The following RAPGEF6 variants were observed in gnomAD, a reference collection of about 807,000 sequenced individuals.
RAPGEF6 encodes Rap guanine nucleotide exchange factor 6, also known as PDZ domain containing guanine nucleotide exchange factor (GEF) 2.
RAPGEF6 carries 56 observed loss-of-function variants against 171.4 expected under a neutral mutation model. The observed-to-expected ratio is 0.33, with a 90% CI of 0.26 to 0.41. RAPGEF6 has a LOEUF of 0.41. Among genes scored for constraint, RAPGEF6 ranks in the 10% least tolerant of loss-of-function variants. The pLI, the probability that RAPGEF6 is intolerant of heterozygous loss-of-function variation, is 1.00. For synonymous variants in RAPGEF6, 692 were observed against 650.1 expected (o/e 1.06, Z -0.98); for missense variants, 1,674 against 1,921.4 (o/e 0.87, Z 2.41).
chr5:131,580,691 C>T (rs1240630258), intron 4 of RAPGEF6, among the ~76,000 whole-genome samples: 1 of 152,224 alleles, frequency 6.6e-6, no homozygotes, highest in Admixed American at 6.5e-5. Flanking sequence ...CCCATTACAA[C>T]CTCTAATGGC....
intron 16 of RAPGEF6, among the ~76,000 whole-genome samples, chr5:131,473,721 A>G (rs1374012244): frequency 6.6e-6 from 1 of 152,240 alleles, no homozygotes; most frequent in Non-Finnish European, 1.5e-5. Context: ...CATGAAAAAG[A>G]TTAAAGTATA....
chr5:131,622,070 A>G (rs1765625368), intron 1 of RAPGEF6, among the ~76,000 whole-genome samples: 1 of 152,224 alleles, frequency 6.6e-6, no homozygotes, highest in Admixed American at 6.5e-5. Flanking sequence ...AATGTTCATT[A>G]GGCAATCTCC....
At chr5:131,475,468 T>C (rs971509027) in intron 16 of RAPGEF6, among the ~76,000 whole-genome samples, 2 of 152,088 alleles carry the variant, frequency 1.3e-5, no homozygotes, top group African/African-American at 4.8e-5. Flanking sequence ...TCCCAATATT[T>C]AAAAAGCAAA....
intron 6 of RAPGEF6, chr5:131,532,993 C>T (rs1759498286): frequency 6.6e-6 from 1 of 152,536 alleles, no homozygotes; most frequent in Non-Finnish European, 1.5e-5. Flanking sequence ...AGGAGAAGCT[C>T]CTATTGATTC....
chr5:131,443,592 C>T (rs1004073967), intron 22 of RAPGEF6, among the ~76,000 whole-genome samples: 29 of 152,242 alleles, frequency 1.9e-4, no homozygotes, highest in African/African-American at 6.7e-4. Context: ...CCTTAACTTG[C>T]CCCTGCTTTT....
In RAPGEF6 at chr5:131,505,432, C is replaced by T; in HGVS notation, c.1033G>A (p.Gly345Arg). Reference sequence around the variant, plus strand: ...TGCTTATCCAGAGTGGGAGTAATTCCAAAACTATTTCCCATAAACAAATTT... The same window carrying T: ...TGCTTATCCAGAGTGGGAGTAATTCTAAAACTATTTCCCATAAACAAATTT... ...VENLFMGNSF[G>R]ITPTLDKQYM... The change falls in exon 10 of 28, where the codon GGA becomes AGA. Residue 345 changes from glycine (G) to arginine (R), a missense_variant. Transcript: ENST00000509018. 6.2e-7 allele frequency: 1 copy of T among 1,613,434 alleles called. No homozygotes were observed. The highest frequency in any genetic ancestry group is 8.5e-7 in the Non-Finnish European group (1 of 1,179,600).
At chr5:131,547,437 T>A (rs1345468444) in intron 6 of RAPGEF6, among the ~76,000 whole-genome samples, 2 of 152,156 alleles carry the variant, frequency 1.3e-5, no homozygotes, top group African/African-American at 4.8e-5. Context: ...TTACCCTTAT[T>A]TCTTGATTCA....
intron 16 of RAPGEF6, among the ~76,000 whole-genome samples, chr5:131,478,068 A>G (rs1755231475): frequency 6.6e-6 from 1 of 152,118 alleles, no homozygotes; most frequent in Admixed American, 6.6e-5. Context: ...ATTTTAAAGT[A>G]ATGATTTTTA....
At chr5:131,609,167 C>T (rs1031873573) in intron 1 of RAPGEF6, among the ~76,000 whole-genome samples, 8 of 152,112 alleles carry the variant, frequency 5.3e-5, no homozygotes, top group Admixed American at 3.9e-4. Context: ...TCATTGGATG[C>T]AGGTGGCCAA....
intron 4 of RAPGEF6, among the ~76,000 whole-genome samples, chr5:131,574,629 G>A (rs184881134): frequency 1.4e-3 from 217 of 152,084 alleles, no homozygotes; most frequent in African/African-American, 4.9e-3. Context: ...TTATTAGGCC[G>A]AGACATTTTA....
chr5:131,468,129 C>T (rs188013024), intron 17 of RAPGEF6, among the ~76,000 whole-genome samples: 12 of 150,978 alleles, frequency 7.9e-5, no homozygotes, highest in Admixed American at 6.6e-4. Context: ...AGAATGAGAC[C>T]ATCCTGGCTA....
At chr5:131,602,358 G>A (rs1476291450) in intron 3 of RAPGEF6, among the ~76,000 whole-genome samples, 1 of 152,174 alleles carries the variant, frequency 6.6e-6, no homozygotes, top group Non-Finnish European at 1.5e-5. Flanking sequence ...ACAACGTTAT[G>A]TGGCACATGA....
chr5:131,630,827 C>T (rs1373995121), intron 1 of RAPGEF6, among the ~76,000 whole-genome samples: 3 of 152,180 alleles, frequency 2.0e-5, no homozygotes, highest in East Asian at 1.9e-4. Flanking sequence ...ATCAATTACA[C>T]GATGCAAACA....
chr5:131,495,604 G>A lies in RAPGEF6; in HGVS notation c.1476C>T (p.Asp492=). The change falls in exon 13 of 28, where the codon GAC becomes GAT. Residue 492 remains aspartate (D), a synonymous_variant. Coordinates refer to ENST00000509018, the MANE Select transcript of RAPGEF6 (RefSeq NM_016340.6). ...CCTCTAGAAATCGAGTCATAGCAGG[G>A]TCACCTTCAAAATCATTAAAATGAT... ...VNNHFNDFEG[D]PAMTRFLEEF... The A allele has an allele frequency of 6.2e-7, 1 of 1,613,470 alleles. No homozygotes were observed. The highest frequency in any genetic ancestry group is 1.1e-5 in the South Asian group (1 of 91,018).
At chr5:131,561,898 T>G in intron 5 of RAPGEF6, 80 bp downstream of exon 5, 1 of 1,051,916 alleles carries the variant, frequency 9.5e-7, no homozygotes, top group East Asian at 2.5e-5. Flanking sequence ...TAAAACCTCC[T>G]TAAGTGTTTA....
At chr5:131,480,722 G>T (rs1049061867) in intron 15 of RAPGEF6, among the ~76,000 whole-genome samples, 2 of 151,850 alleles carry the variant, frequency 1.3e-5, no homozygotes, top group Non-Finnish European at 2.9e-5. Context: ...CAGGTGATTC[G>T]CCCACCTCGG....
chr5:131,446,175 T>C (rs548092565), intron 22 of RAPGEF6, among the ~76,000 whole-genome samples: 1 of 152,234 alleles, frequency 6.6e-6, no homozygotes, highest in South Asian at 2.1e-4. Flanking sequence ...ATTCCACTTA[T>C]GTTTACTCTT....
chr5:131,433,111 T>G (rs7728375), intron 25 of RAPGEF6, among the ~76,000 whole-genome samples: 21,951 of 152,144 alleles, frequency 0.14, 3,822 homozygotes, highest in African/African-American at 0.42. Context: ...ACAACCTTTT[T>G]GATTAACCTA....
chr5:131,496,926 C>G (rs1756675333), intron 12 of RAPGEF6, among the ~76,000 whole-genome samples: 1 of 147,560 alleles, frequency 6.8e-6, no homozygotes, highest in Non-Finnish European at 1.5e-5. Flanking sequence ...ACTGCTCAAA[C>G]TGTTTTTTCC....
Sources: allele counts gnomAD v4.1 joint callset (sites outside exome capture counted in the v4.1 genomes callset), GRCh38; gene constraint gnomAD v4.1.1; transcripts MANE v1.5; gene names NCBI Gene and HGNC (gene_info 2026-07-23, HGNC 2026-07-21).